SLC12A9: variants seen among roughly 807,000 people sequenced by gnomAD.
SLC12A9 encodes CCC-interacting protein 1.
Under a neutral mutation model 66.0 loss-of-function variants are expected in SLC12A9, and 55 were observed. The observed-to-expected ratio is 0.83, with a 90% CI of 0.67 to 1.04. The LOEUF is 1.04. Ranked by LOEUF, SLC12A9 falls within the 50% of genes least tolerant of loss-of-function variation. The pLI is 0.00. For missense variants in SLC12A9, 1,061 were observed against 1,241.9 expected, an observed-to-expected ratio of 0.85 and a Z score of 2.19; for synonymous variants, 577 against 569.0, an observed-to-expected ratio of 1.01 and a Z score of -0.20.
chr7:100,862,942 CGAGAG>C (rs1562996104), intron 13 of SLC12A9, 115 bp downstream of exon 13: 1 of 1,284,988 alleles, frequency 7.8e-7, no homozygotes, highest in East Asian at 2.4e-5. Context: ...ACCTTATAGT[CGAGAG>C]GAGATAAGAC....
chr7:100,864,474 T>C (rs1341663279), intron 13 of SLC12A9, among the ~76,000 whole-genome samples: 2 of 152,242 alleles, frequency 1.3e-5, no homozygotes, highest in Non-Finnish European at 2.9e-5. Flanking sequence ...GATTTATGGC[T>C]TGAGCAGTGT....
At chr7:100,856,805 C>G in intron 4 of SLC12A9, 63 bp from the exon 5 acceptor site, 2 of 1,471,830 alleles carry the variant, frequency 1.4e-6, no homozygotes, top group Non-Finnish European at 1.8e-6. Context: ...AGCCGCCCAC[C>G]ATGCCCGGCT....
At chr7:100,853,476 T>G (rs1814194217) in intron 1 of SLC12A9, 1 of 151,902 alleles carries the variant, frequency 6.6e-6, no homozygotes, top group African/African-American at 2.4e-5. Flanking sequence ...TGTGGGGCAG[T>G]GGCTGGTACC....
intron 13 of SLC12A9, 51 bp from the exon 14 acceptor site, chr7:100,865,668 G>A: frequency 6.4e-7 from 1 of 1,564,792 alleles, no homozygotes; most frequent in Non-Finnish European, 8.7e-7. Context: ...TGTAAACTTA[G>A]CCTGTGAGCC....
intron 1 of SLC12A9, among the ~76,000 whole-genome samples, chr7:100,830,770 T>C (rs1813528748): frequency 6.6e-6 from 1 of 152,064 alleles, no homozygotes; most frequent in South Asian, 2.1e-4. Flanking sequence ...AATTACAACC[T>C]GGTAGAAAAA....
rs374318641 is a variant in SLC12A9 at position 100,854,396 on chromosome 7, C to T, written c.181+18C>T. On this transcript the variant is annotated intron_variant, in intron 2 of 13. Coordinates refer to ENST00000354161, the MANE Select transcript of SLC12A9 (RefSeq NM_020246.4). ...GAGGATTGGTGAGTGGGTCCTGGGGCGGGTGTGGACTGACTATAGTATGGG... is the reference window on the plus strand; with the variant it reads ...GAGGATTGGTGAGTGGGTCCTGGGGTGGGTGTGGACTGACTATAGTATGGG... 5.3e-5 allele frequency: 85 copies of T among 1,609,428 alleles called. No individual in the cohort carries two copies. Among genetic ancestry groups the T allele is most frequent in the South Asian group, 2.8e-4 (25 of 90,664 alleles).
intron 1 of SLC12A9, among the ~76,000 whole-genome samples, chr7:100,840,477 A>G (rs1813761807): frequency 6.6e-6 from 1 of 152,096 alleles, no homozygotes; most frequent in South Asian, 2.1e-4. Flanking sequence ...GTACATAGAC[A>G]CTTGGTTACA....
intron 13 of SLC12A9, 27 bp downstream of exon 13, chr7:100,862,854 C>T (rs757707391): frequency 6.8e-6 from 11 of 1,612,656 alleles, no homozygotes; most frequent in African/African-American, 4.0e-5. Context: ...TGGATGCCCT[C>T]GGCCTTCCTC....
Position 100,866,799 on chromosome 7 carries a change from ACT to A in SLC12A9, c.*197_*198del, listed in dbSNP as rs1452304716. 3.7e-6 allele frequency: 2 copies of A among 539,680 alleles called. No individual in the cohort carries two copies. The highest frequency in any genetic ancestry group is 4.0e-5 in the African/African-American group (2 of 50,456). The allele number at this position is 539,680 out of a possible 1,614,324, so 33.4% of individuals were successfully genotyped here. Reference sequence around the variant, plus strand: ...TTGGCAGAGGGACCCCAGCACACTAACTCTGGGTGGCTGTCCCCACCGTGCAG... The same window carrying A: ...TTGGCAGAGGGACCCCAGCACACTAACTGGGTGGCTGTCCCCACCGTGCAG... On this transcript the variant is annotated 3_prime_UTR_variant, in exon 14 of 14. Transcript: ENST00000354161. The surrounding 1 kb of genome is among the most constrained non-coding windows in gnomAD (Gnocchi z 7.3).
chr7:100,860,340 A>ATTTGT, intron 9 of SLC12A9, 108 bp downstream of exon 9: 2 of 1,163,450 alleles, frequency 1.7e-6, no homozygotes, highest in Non-Finnish European at 2.4e-6. Flanking sequence ...ATGCGTATGC[A>ATTTGT]CTTGGGGTTG....
At chr7:100,837,783 C>G (rs1813691943) in intron 1 of SLC12A9, among the ~76,000 whole-genome samples, 1 of 152,038 alleles carries the variant, frequency 6.6e-6, no homozygotes, top group Non-Finnish European at 1.5e-5. Flanking sequence ...CTTGGCCTCC[C>G]AAAGTGTTGG....
rs2304374 is a variant in SLC12A9, at chr7:100,826,965, G to T, written n.146G>T. On this transcript the variant is annotated non_coding_transcript_exon_variant, in exon 1 of 2. Coordinates refer to the SLC12A9 transcript ENST00000461016. ...GGAGTGACGGGGTGCGCCCCCCCCC[G>T]CAAGGAAACTCACCTTCCAAAGCTG... is the stretch of plus-strand genomic sequence containing the variant. 2.1e-5 allele frequency: 26 copies of T among 1,213,438 alleles called. 1 individual carries two copies. In the East Asian group the frequency reaches 4.8e-4, roughly 22 times the overall value. 75.2% of individuals were successfully genotyped at this position (1,213,438 alleles called of 1,614,324 possible).
At chr7:100,865,431 C>T (rs1166917800) in intron 13 of SLC12A9, 8 of 1,536,002 alleles carry the variant, frequency 5.2e-6, no homozygotes, top group Non-Finnish European at 7.0e-6. Context: ...ATCCTCCTCT[C>T]CATAGAATTG....
In SLC12A9 at chr7:100,865,971, G is replaced by C; in HGVS notation, c.2111G>C (p.Gly704Ala). The C allele has an allele frequency of 6.2e-7, 1 of 1,613,040 alleles. No individual in the cohort carries two copies. Among genetic ancestry groups the C allele is most frequent in the Non-Finnish European group, 8.5e-7 (1 of 1,179,898 alleles). Reference protein sequence around the residue: ...NKNVVLARASGALPPERLSRG... With the variant: ...NKNVVLARASAALPPERLSRG... Reference sequence around the variant, plus strand: ...AATGTGGTGCTGGCCCGGGCCAGCGGGGCCTTGCCCCCTGAGCGGCTGAGC... The same window carrying C: ...AATGTGGTGCTGGCCCGGGCCAGCGCGGCCTTGCCCCCTGAGCGGCTGAGC... Residue 704 changes from glycine (G) to alanine (A), a missense_variant, in exon 14 of 14, where the codon GGG becomes GCG. Physicochemically the swap from Gly to Ala is moderately conservative, Grantham distance 60. Transcript: ENST00000354161.
intron 1 of SLC12A9, among the ~76,000 whole-genome samples, chr7:100,839,119 C>T (rs566810834): frequency 2.0e-5 from 3 of 151,980 alleles, no homozygotes; most frequent in South Asian, 4.1e-4. Flanking sequence ...GTCAGGAGAT[C>T]GAGACCATCC....
rs762512458 is a variant in SLC12A9, at chr7:100,866,373, A to G, written c.2513A>G (p.Asn838Ser). 5.9e-6 allele frequency: 9 copies of G among 1,519,472 alleles called. No individual in the cohort carries two copies. The highest frequency in any genetic ancestry group is 8.0e-6 in the Non-Finnish European group (9 of 1,130,432). The allele number at this position is 1,519,472 out of a possible 1,614,324, so 94.1% of individuals were successfully genotyped here. A position where few individuals can be genotyped will look rare whatever the true frequency, so the allele number is the denominator to read the frequency against. Residue 838 changes from asparagine to serine, a missense_variant, in exon 14 of 14, where the codon AAC (asparagine) becomes AGC (serine). Physicochemically the swap from Asn to Ser is conservative, Grantham distance 46 (BLOSUM62 1). Coordinates refer to ENST00000354161, the MANE Select transcript of SLC12A9 (RefSeq NM_020246.4). This position sits in a 1 kb window ranked among gnomAD's most constrained non-coding sequence, Gnocchi z 7.3. The part of the protein sequence containing the change: ...AEAEALARSA[N>S]ALVRAQQGRG... ...GCAGAGGCCCTGGCACGCAGCGCCA[A>G]CGCCCTGGTTCGGGCCCAGCAGGGG...
At chr7:100,839,119 C>G (rs566810834) in intron 1 of SLC12A9, among the ~76,000 whole-genome samples, 6 of 152,096 alleles carry the variant, frequency 3.9e-5, no homozygotes, top group Admixed American at 2.6e-4. Flanking sequence ...GTCAGGAGAT[C>G]GAGACCATCC....
At chr7:100,853,715 T>A in intron 1 of SLC12A9, among the ~76,000 whole-genome samples, 1 of 150,620 alleles carries the variant, frequency 6.6e-6, no homozygotes, top group African/African-American at 2.5e-5. Context: ...GCATGCACCT[T>A]CACGCTTGGC....
upstream of SLC12A9, among the ~76,000 whole-genome samples, chr7:100,851,830 A>C (rs1256758939): frequency 6.7e-6 from 1 of 148,718 alleles, no homozygotes; most frequent in African/African-American, 2.4e-5. Context: ...AAACTTTCCA[A>C]GCTCCAATTT....
Sources: gnomAD v4.1 joint callset for allele counts (sites outside exome capture counted in the v4.1 genomes callset) on GRCh38, gnomAD v4.1.1 for gene constraint, Gnocchi (gnomAD v3.1) non-coding constraint, MANE v1.5 for transcripts, NCBI Gene and HGNC (gene_info 2026-07-23, HGNC 2026-07-21) for gene names.